AOAH: variants seen among roughly 807,000 people sequenced by gnomAD.
AOAH encodes the protein acyloxyacyl hydrolase.
AOAH carries 64 observed loss-of-function variants against 92.2 expected under a neutral mutation model. The ratio of observed to expected loss-of-function variants is 0.69; its 90% CI spans 0.57 to 0.86. The LOEUF is 0.86. AOAH is among the 40% of genes least tolerant of loss of function. AOAH has a pLI of 0.00. For missense variants in AOAH, 656 were observed against 694.6 expected (o/e 0.94, Z 0.62); for synonymous variants, 263 against 254.5 (o/e 1.03, Z -0.32).
chr7:36,536,167 CT>C (rs1438506313), intron 16 of AOAH, among the ~76,000 whole-genome samples: 1 of 152,210 alleles, frequency 6.6e-6, no homozygotes, highest in Non-Finnish European at 1.5e-5. Context: ...GCATCTAACC[CT>C]GCCTTCACTG....
At chr7:36,608,260 C>G (rs531816881) in intron 11 of AOAH, among the ~76,000 whole-genome samples, 1 of 152,356 alleles carries the variant, frequency 6.6e-6, no homozygotes, top group South Asian at 2.1e-4. Flanking sequence ...CACTTACCTT[C>G]CCCGACAGGG....
At chr7:36,542,228 G>A (rs1325656070) in intron 15 of AOAH, among the ~76,000 whole-genome samples, 1 of 152,184 alleles carries the variant, frequency 6.6e-6, no homozygotes, top group Non-Finnish European at 1.5e-5. Flanking sequence ...AGAGTGCTGA[G>A]GATCGCTGGA....
At chr7:36,713,422 G>C (rs1483429203) in intron 1 of AOAH, among the ~76,000 whole-genome samples, 2 of 152,200 alleles carry the variant, frequency 1.3e-5, no homozygotes, top group East Asian at 3.9e-4. Context: ...AGATCAACGA[G>C]ACAGAAAGTT....
chr7:36,711,184 A>G (rs1050123346), intron 1 of AOAH, among the ~76,000 whole-genome samples: 1 of 152,184 alleles, frequency 6.6e-6, no homozygotes, highest in African/African-American at 2.4e-5. Flanking sequence ...CCATGTAATC[A>G]CTATGACTAT....
intron 19 of AOAH, among the ~76,000 whole-genome samples, chr7:36,526,528 C>T (rs1169248441): frequency 6.6e-6 from 1 of 152,190 alleles, no homozygotes; most frequent in Non-Finnish European, 1.5e-5. Flanking sequence ...GAGGTCCATT[C>T]AAAGATAACA....
chr7:36,560,413 G>C (rs115168327), intron 13 of AOAH, among the ~76,000 whole-genome samples: 2,434 of 152,172 alleles, frequency 0.016, 58 homozygotes, highest in African/African-American at 0.054. Flanking sequence ...ATTTCTTCCA[G>C]CAACGTTTTT....
At chr7:36,567,124 C>T (rs1474726215) in intron 13 of AOAH, among the ~76,000 whole-genome samples, 1 of 152,120 alleles carries the variant, frequency 6.6e-6, no homozygotes, top group Non-Finnish European at 1.5e-5. Context: ...TGCTCTAAAA[C>T]TTAAATAAAT....
chr7:36,626,555 C>A (rs1360028898), intron 6 of AOAH, among the ~76,000 whole-genome samples: 1 of 152,140 alleles, frequency 6.6e-6, no homozygotes, highest in East Asian at 1.9e-4. Flanking sequence ...TTAGCAACAA[C>A]TTCATTTGGT....
intron 2 of AOAH, among the ~76,000 whole-genome samples, chr7:36,678,468 T>C (rs1003293171): frequency 1.3e-5 from 2 of 152,102 alleles, no homozygotes; most frequent in Non-Finnish European, 2.9e-5. Flanking sequence ...AATTTAAAAA[T>C]GGACATTAGG....
intron 6 of AOAH, among the ~76,000 whole-genome samples, chr7:36,628,992 G>A (rs1336439119): frequency 1.3e-5 from 2 of 152,188 alleles, no homozygotes; most frequent in African/African-American, 2.4e-5. Context: ...TCTTTAGAAA[G>A]GAGAAAATAA....
intron 12 of AOAH, among the ~76,000 whole-genome samples, chr7:36,583,522 G>GATAAAC: frequency 6.6e-6 from 1 of 152,248 alleles, no homozygotes; most frequent in East Asian, 1.9e-4. Flanking sequence ...CTCAGAGAGT[G>GATAAAC]ATAAACATAC....
chr7:36,611,892 G>A (rs950725831), intron 11 of AOAH, among the ~76,000 whole-genome samples: 8 of 152,118 alleles, frequency 5.3e-5, no homozygotes, highest in African/African-American at 1.9e-4. Context: ...CTGGTTAAGC[G>A]GCTTGTTCAG....
intron 11 of AOAH, among the ~76,000 whole-genome samples, chr7:36,596,933 C>T (rs1790169266): frequency 6.6e-6 from 1 of 152,174 alleles, no homozygotes; most frequent in Admixed American, 6.5e-5. Context: ...CTAGAACAAA[C>T]AAATGTGTTC....
Position 36,710,760 on chromosome 7 carries a change from A to G in AOAH, c.127+13262T>C, listed in dbSNP as rs368414360. ...TTAAGATACAGGTTGCCATGAAATT[A>G]TTCAGTTACTCAGGACTTTTTGCCT... On this transcript the variant is annotated intron_variant, in intron 1 of 20. Transcript: ENST00000617537. 2.6e-5 allele frequency among the ~76,000 whole-genome samples: 4 copies of G among 152,358 alleles called. No individual in the cohort carries two copies. In the South Asian group the frequency reaches 8.3e-4, roughly 32 times the overall value.
intron 11 of AOAH, among the ~76,000 whole-genome samples, chr7:36,601,061 G>T (rs1263316090): frequency 6.6e-6 from 1 of 152,130 alleles, no homozygotes; most frequent in Non-Finnish European, 1.5e-5. Context: ...GGGAGATGGC[G>T]CACACCACTG....
At chr7:36,717,107 T>A (rs1430920064) in intron 1 of AOAH, among the ~76,000 whole-genome samples, 3 of 152,086 alleles carry the variant, frequency 2.0e-5, no homozygotes, top group Non-Finnish European at 4.4e-5. Context: ...GGGAAGGGGA[T>A]CTTGGGGCTT....
chr7:36,616,079 C>T (rs1022200435), intron 11 of AOAH, among the ~76,000 whole-genome samples: 2 of 152,198 alleles, frequency 1.3e-5, no homozygotes, highest in Admixed American at 1.3e-4. Context: ...CTCATCCTGA[C>T]CTCCACGGGG....
At chr7:36,652,856 T>A (rs1430904099) in intron 4 of AOAH, among the ~76,000 whole-genome samples, 1 of 152,018 alleles carries the variant, frequency 6.6e-6, no homozygotes, top group Admixed American at 6.5e-5. Flanking sequence ...TAAAGAGACA[T>A]GAAAAAGAAA....
chr7:36,563,592 A>G (rs1787448657), intron 13 of AOAH, among the ~76,000 whole-genome samples: 1 of 152,186 alleles, frequency 6.6e-6, no homozygotes, highest in South Asian at 2.1e-4. Flanking sequence ...TGTTTACTCC[A>G]TTGTACTTGA....
Sources: gnomAD v4.1 joint callset for allele counts (sites outside exome capture counted in the v4.1 genomes callset) on GRCh38, gnomAD v4.1.1 for gene constraint, MANE v1.5 for transcripts, NCBI Gene and HGNC (gene_info 2026-07-23, HGNC 2026-07-21) for gene names.